The following MYO1E variants were observed in gnomAD, a reference collection of about 807,000 sequenced individuals.
MYO1E encodes myosin IE, also known as unconventional myosin-Ie.
MYO1E carries 68 observed loss-of-function variants against 151.1 expected under a neutral mutation model. The observed-to-expected ratio is 0.45, with a 90% CI of 0.37 to 0.55. The LOEUF is 0.55. Ranked by LOEUF, MYO1E falls within the 20% of genes least tolerant of loss-of-function variation. The pLI is 0.00. For missense variants in MYO1E, 1,363 were observed against 1,389.3 expected (o/e 0.98, Z 0.30); for synonymous variants, 601 against 501.7 (o/e 1.20, Z -2.64).
chr15:59,353,778 A>G (rs1165885908), intron 1 of MYO1E, among the ~76,000 whole-genome samples: 7 of 151,736 alleles, frequency 4.6e-5, no homozygotes, highest in Non-Finnish European at 7.4e-5. Context: ...AAAAACAAAG[A>G]AAGAAAAAAA....
rs1444150539 is a variant in MYO1E, at chr15:59,236,623, A to G, written c.382T>C (p.Tyr128His). The G allele has an allele frequency of 6.2e-7, 1 of 1,613,338 alleles. No homozygotes were observed. The highest frequency in any genetic ancestry group is 1.3e-5 in the African/African-American group (1 of 74,874). Residue 128 changes from tyrosine (Y) to histidine (H), a missense_variant, in exon 5 of 28, where the codon TAC (tyrosine) becomes CAC (histidine). Physicochemically the swap from Tyr to His is moderately conservative, Grantham distance 83. Coordinates refer to ENST00000288235, the MANE Select transcript of MYO1E (RefSeq NM_004998.4). ...CCTCCTCCAGACACTCTGGAGATGTAGCTCATGATATATTTGGCAGCCACT... is the reference window on the plus strand; with the variant it reads ...CCTCCTCCAGACACTCTGGAGATGTGGCTCATGATATATTTGGCAGCCACT... Reference protein sequence around the residue: ...KTVAAKYIMSYISRVSGGGTK... With the variant: ...KTVAAKYIMSHISRVSGGGTK...
At chr15:59,252,337 C>T (rs1235106752) in intron 4 of MYO1E, among the ~76,000 whole-genome samples, 2 of 152,058 alleles carry the variant, frequency 1.3e-5, no homozygotes, top group African/African-American at 4.8e-5. Flanking sequence ...AATCCCAGCA[C>T]TTTCGGAAGC....
At chr15:59,171,171 G>A (rs2079591445) in intron 22 of MYO1E, 1 of 156,022 alleles carries the variant, frequency 6.4e-6, no homozygotes, top group Non-Finnish European at 1.5e-5. Flanking sequence ...GGAGGACTTA[G>A]CATGGGAGGA....
chr15:59,293,069 G>A (rs1361243282), intron 1 of MYO1E, among the ~76,000 whole-genome samples: 1 of 152,150 alleles, frequency 6.6e-6, no homozygotes, highest in Non-Finnish European at 1.5e-5. Context: ...AAACACCACA[G>A]GTAAGGAATA....
intron 23 of MYO1E, among the ~76,000 whole-genome samples, chr15:59,162,507 G>A (rs1441671318): frequency 6.6e-6 from 1 of 152,012 alleles, no homozygotes; most frequent in African/African-American, 2.4e-5. Context: ...TTAGCTGGGT[G>A]TGGTGGTGAG....
At chr15:59,339,861 T>G (rs2080753196) in intron 1 of MYO1E, among the ~76,000 whole-genome samples, 1 of 151,136 alleles carries the variant, frequency 6.6e-6, no homozygotes, top group East Asian at 1.9e-4. Context: ...TTGTTTTTTT[T>G]TTTTTTGACA....
At chr15:59,357,795 G>C (rs147967821) in intron 1 of MYO1E, among the ~76,000 whole-genome samples, 2 of 152,186 alleles carry the variant, frequency 1.3e-5, no homozygotes, top group East Asian at 3.9e-4. Context: ...CAGAGTTAAG[G>C]CTGGTTTAAA....
At chr15:59,163,094 G>A (rs1179192036) in intron 23 of MYO1E, 63 bp downstream of exon 23, 1 of 1,579,126 alleles carries the variant, frequency 6.3e-7, no homozygotes, top group Non-Finnish European at 8.7e-7. Flanking sequence ...CTGAATCGCA[G>A]GGGTGCGATC....
chr15:59,170,159 TAAAAC>T (rs199974292), intron 22 of MYO1E, among the ~76,000 whole-genome samples: 8,177 of 151,684 alleles, frequency 0.054, 369 homozygotes, highest in African/African-American at 0.13. Flanking sequence ...AGACTCTGTC[TAAAAC>T]AAAACAAAAC....
chr15:59,195,203 T>TC (rs1240605363), intron 17 of MYO1E, among the ~76,000 whole-genome samples: 1 of 152,208 alleles, frequency 6.6e-6, no homozygotes, highest in Non-Finnish European at 1.5e-5. Context: ...TGTTTTGTTT[T>TC]TTTTCCATCT....
At chr15:59,289,483 A>C (rs2080406656) in intron 1 of MYO1E, among the ~76,000 whole-genome samples, 1 of 152,226 alleles carries the variant, frequency 6.6e-6, no homozygotes, top group Admixed American at 6.5e-5. Context: ...TTTTCTTTCC[A>C]GTGAGTTTCC....
At chr15:59,259,090 C>T (rs2080210895) in intron 3 of MYO1E, among the ~76,000 whole-genome samples, 1 of 152,088 alleles carries the variant, frequency 6.6e-6, no homozygotes, top group African/African-American at 2.4e-5. Context: ...AGCCACCATG[C>T]CCAGTCCAAT....
At chr15:59,327,548 T>A (rs2080672826) in intron 1 of MYO1E, among the ~76,000 whole-genome samples, 1 of 152,054 alleles carries the variant, frequency 6.6e-6, no homozygotes, top group Non-Finnish European at 1.5e-5. Flanking sequence ...CTCCTGGCCT[T>A]AAGCAATTCT....
chr15:59,264,729 T>C (rs2080243182), intron 2 of MYO1E, among the ~76,000 whole-genome samples: 1 of 152,196 alleles, frequency 6.6e-6, no homozygotes, highest in Non-Finnish European at 1.5e-5. Context: ...TAATCAAAAT[T>C]GAATGAACGA....
chr15:59,183,479 C>T (rs1456779318), intron 18 of MYO1E, among the ~76,000 whole-genome samples: 1 of 152,038 alleles, frequency 6.6e-6, no homozygotes, highest in Non-Finnish European at 1.5e-5. Flanking sequence ...GGATTACAGG[C>T]ATGAGCCACT....
At chr15:59,263,075 G>A (rs1566995522) in intron 2 of MYO1E, among the ~76,000 whole-genome samples, 1 of 152,108 alleles carries the variant, frequency 6.6e-6, no homozygotes, top group Non-Finnish European at 1.5e-5. Flanking sequence ...TTCTTTCAAT[G>A]ATCAATTTCA....
chr15:59,160,336 CGTGTGTGTGTGTGTGTGTGTGT>C (rs55633634), intron 24 of MYO1E, among the ~76,000 whole-genome samples: 1,300 of 120,154 alleles, frequency 0.011, 31 homozygotes, highest in African/African-American at 0.038. Context: ...TGAGGTAGTG[CGTGTGTGTGTGTGTGTGTGTGT>C]GTGTGTGTGT....
chr15:59,279,940 T>C (rs1438563167), intron 1 of MYO1E, among the ~76,000 whole-genome samples: 1 of 152,220 alleles, frequency 6.6e-6, no homozygotes, highest in African/African-American at 2.4e-5. Flanking sequence ...AGTATGTATA[T>C]ATAAAATATA....
chr15:59,162,786 C>G (rs181588247), intron 23 of MYO1E, among the ~76,000 whole-genome samples: 1 of 152,044 alleles, frequency 6.6e-6, no homozygotes, highest in Non-Finnish European at 1.5e-5. Context: ...GAATTTAAAC[C>G]CCCACCTCTG....
Sources: gnomAD v4.1 joint callset for allele counts (sites outside exome capture counted in the v4.1 genomes callset) on GRCh38, gnomAD v4.1.1 for gene constraint, MANE v1.5 for transcripts, NCBI Gene and HGNC (gene_info 2026-07-23, HGNC 2026-07-21) for gene names.